ZKSCAN8: variants seen among roughly 807,000 people sequenced by gnomAD.
The protein encoded by ZKSCAN8 is zinc finger with KRAB and SCAN domains 8.
In ZKSCAN8, 27 loss-of-function variants were observed where a neutral mutation model predicts 57.2. The observed-to-expected ratio is 0.47, with a 90% CI of 0.35 to 0.65. The LOEUF is 0.65. ZKSCAN8 is among the 30% of genes least tolerant of loss of function. The pLI, the probability that ZKSCAN8 is intolerant of heterozygous loss-of-function variation, is 0.01. For missense variants in ZKSCAN8, 597 were observed against 696.3 expected (o/e 0.86, Z 1.60); for synonymous variants, 214 against 248.7 (o/e 0.86, Z 1.31).
intron 2 of ZKSCAN8, 125 bp downstream of exon 2, chr6:28,148,949 GT>G: frequency 8.8e-7 from 1 of 1,136,704 alleles, no homozygotes; most frequent in Non-Finnish European, 1.2e-6. Flanking sequence ...GATGACAATA[GT>G]TTTAGTGTAG....
chr6:28,150,531 A>T (rs898227074), intron 3 of ZKSCAN8, among the ~76,000 whole-genome samples: 2 of 152,176 alleles, frequency 1.3e-5, no homozygotes, highest in Admixed American at 6.5e-5. Context: ...ACTAATAAGT[A>T]ATTTGTGGAA....
In ZKSCAN8 at chr6:28,149,514, T is replaced by G. The variant is rs1233117356; in HGVS notation, c.449T>G (p.Leu150Arg). ...GCTCGCGTACATGGACATAGGGTAC[T>G]CTGGGAGGAGGTAGTACATTCAGCA... ...VSARVHGHRV[L>R]WEEVVHSASA... Residue 150 changes from leucine (L) to arginine (R), a missense_variant, in exon 3 of 6, where the codon CTC (leucine) becomes CGC (arginine). By Grantham distance (102) the Leu-to-Arg change is moderately radical. Coordinates refer to ENST00000330236, the MANE Select transcript of ZKSCAN8 (RefSeq NM_006298.4). The G allele has an allele frequency of 6.2e-7, 1 of 1,614,164 alleles. No homozygotes were observed. The highest frequency in any genetic ancestry group is 1.7e-5 in the Admixed American group (1 of 60,026).
intron 3 of ZKSCAN8, among the ~76,000 whole-genome samples, chr6:28,151,153 C>T (rs890534188): frequency 3.9e-5 from 6 of 152,096 alleles, no homozygotes; most frequent in Non-Finnish European, 7.4e-5. Flanking sequence ...ATAGAAGGCC[C>T]CTTCAGTCTG....
At chr6:28,148,847 G>C in intron 2 of ZKSCAN8, 23 bp downstream of exon 2, 1 of 1,592,308 alleles carries the variant, frequency 6.3e-7, no homozygotes, top group African/African-American at 1.3e-5. Flanking sequence ...AGGTATGCGT[G>C]CTATGACTGT....
In ZKSCAN8 at chr6:28,144,780, G is replaced by A. The variant is rs575535195; in HGVS notation, c.-93+2751G>A. On this transcript the variant is annotated intron_variant, in intron 1 of 5. Coordinates refer to ENST00000330236, the MANE Select transcript of ZKSCAN8 (RefSeq NM_006298.4). The surrounding 1 kb of genome is among the most constrained non-coding windows in gnomAD (Gnocchi z 4.5). ...GTTAAGAGTTGAATGATTTTAGGCCGGGCACAGTGGCTTACGCCTGTAATC... is the reference window on the plus strand; with the variant it reads ...GTTAAGAGTTGAATGATTTTAGGCCAGGCACAGTGGCTTACGCCTGTAATC... Among the ~76,000 whole-genome samples, 6 of 152,312 alleles carry A rather than the reference G, an allele frequency of 3.9e-5. No individual in the cohort carries two copies. The highest frequency in any genetic ancestry group is 1.2e-4 in the African/African-American group (5 of 41,582).
chr6:28,148,685 T>C lies in ZKSCAN8; in HGVS notation c.278T>C (p.Leu93Pro). Residue 93 changes from leucine to proline, a missense_variant, in exon 2 of 6, where the codon CTG becomes CCG. By Grantham distance (98) the Leu-to-Pro change is moderately conservative (BLOSUM62 -3). Coordinates refer to ENST00000330236, the MANE Select transcript of ZKSCAN8 (RefSeq NM_006298.4). ...DLNTKEQILE[L>P]LVLEQFLTIL... ...AACACCAAGGAACAGATCCTGGAGC[T>C]GCTGGTGCTGGAGCAGTTCTTGACC... is the stretch of plus-strand genomic sequence containing the variant. 6.2e-7 allele frequency: 1 copy of C among 1,614,150 alleles called. No individual in the cohort carries two copies. Among genetic ancestry groups the C allele is most frequent in the Non-Finnish European group, 8.5e-7 (1 of 1,180,042 alleles).
At position 28,153,312 on chromosome 6, in the gene ZKSCAN8, C is replaced by T; in HGVS notation, c.1032C>T (p.His344=). Residue 344 remains histidine (H), a synonymous_variant, in exon 6 of 6, where the codon CAC becomes CAT. Coordinates refer to ENST00000330236, the MANE Select transcript of ZKSCAN8 (RefSeq NM_006298.4). ...SSGLVRHWRI[H]TGEKPYQCNV... is the part of the protein sequence containing the mutation. Reference sequence around the variant, plus strand: ...GCCTTGTTCGCCACTGGAGAATCCACACTGGGGAGAAACCCTATCAGTGTA... The same window carrying T: ...GCCTTGTTCGCCACTGGAGAATCCATACTGGGGAGAAACCCTATCAGTGTA... The T allele has an allele frequency of 6.2e-7, 1 of 1,614,258 alleles. No homozygotes were observed. The highest frequency in any genetic ancestry group is 8.5e-7 in the Non-Finnish European group (1 of 1,180,044).
Position 28,144,989 on chromosome 6 carries a change from G to A in ZKSCAN8, c.-93+2960G>A, listed in dbSNP as rs1182410133. On this transcript the variant is annotated intron_variant, in intron 1 of 5. Transcript: ENST00000330236. The surrounding 1 kb of genome is among the most constrained non-coding windows in gnomAD (Gnocchi z 4.5). ...GGAGAATGGCGTGAACCCGGGAGGC[G>A]GAGGTTGCAGTGAGCCGAGTTCGCG... 6.6e-6 allele frequency among the ~76,000 whole-genome samples: 1 copy of A among 152,150 alleles called. No individual in the cohort carries two copies. The highest frequency in any genetic ancestry group is 2.4e-5 in the African/African-American group (1 of 41,438).
intron 1 of ZKSCAN8, among the ~76,000 whole-genome samples, chr6:28,143,802 AAG>A (rs1041900841): frequency 2.0e-5 from 3 of 152,228 alleles, no homozygotes; most frequent in African/African-American, 4.8e-5. Flanking sequence ...AAGAAAATTT[AAG>A]AGTTTGTTTT....
rs1166408357 is a variant in ZKSCAN8 at position 28,155,191 on chromosome 6, T to C, written c.*1174T>C. 2.0e-5 allele frequency: 3 copies of C among 152,214 alleles called. No individual in the cohort carries two copies. Among genetic ancestry groups the C allele is most frequent in the Non-Finnish European group, 2.9e-5 (2 of 68,022 alleles). The allele number at this position is 152,214 out of a possible 1,614,324, so 9.4% of individuals were successfully genotyped here. ...TAATCTAATACCTTACCTCACAGGT[T>C]TTCATTCTTTTGAACTCTGGTGCAC... On this transcript the variant is annotated 3_prime_UTR_variant, in exon 6 of 6. Coordinates refer to ENST00000330236, the MANE Select transcript of ZKSCAN8 (RefSeq NM_006298.4).
rs1581526999 is a variant in ZKSCAN8 at position 28,152,372 on chromosome 6, A to G, written c.763A>G (p.Met255Val). Residue 255 changes from methionine to valine, a missense_variant, in exon 5 of 6, where the codon ATG becomes GTG. Transcript: ENST00000330236. ...RDNRPENFRN[M>V]FSLGGETRSE... ...TAACAGGCCAGAAAATTTCAGAAAC[A>G]TGTTCTCCCTGGGTAAGGAGAGGTG... 2 of 1,607,378 alleles carry G rather than the reference A, an allele frequency of 1.2e-6. No individual in the cohort carries two copies. The highest frequency in any genetic ancestry group is 1.3e-5 in the African/African-American group (1 of 74,448).
At chr6:28,147,384 C>G (rs965418495) in intron 1 of ZKSCAN8, among the ~76,000 whole-genome samples, 3 of 152,064 alleles carry the variant, frequency 2.0e-5, no homozygotes, top group African/African-American at 7.2e-5. Context: ...AAAACAAAAA[C>G]AATATCAAGT....
In ZKSCAN8 at chr6:28,153,659, A is replaced by G; in HGVS notation, c.1379A>G (p.Lys460Arg). The change falls in exon 6 of 6, where the codon AAG becomes AGG. Residue 460 changes from lysine (K) to arginine (R), a missense_variant. Lys to Arg is a conservative substitution (Grantham distance 26). Transcript: ENST00000330236. ...CATCAGAGAATCCACACTGGGGAGAAGCCCTATGAGTGTGATGAGTGTGGG... is the reference window on the plus strand; with the variant it reads ...CATCAGAGAATCCACACTGGGGAGAGGCCCTATGAGTGTGATGAGTGTGGG... ...IGHQRIHTGE[K>R]PYECDECGKT... 6.2e-7 allele frequency: 1 copy of G among 1,613,882 alleles called. No individual in the cohort carries two copies.
At chr6:28,145,517 G>A (rs1765364146) in intron 1 of ZKSCAN8, among the ~76,000 whole-genome samples, 1 of 151,966 alleles carries the variant, frequency 6.6e-6, no homozygotes, top group African/African-American at 2.4e-5. Flanking sequence ...AAAAATCTCT[G>A]GCAGTACAGG....
chr6:28,154,024 C>T lies in ZKSCAN8; in HGVS notation c.*7C>T, dbSNP rs771813598. 5.7e-6 allele frequency: 9 copies of T among 1,578,116 alleles called. No individual in the cohort carries two copies. Among genetic ancestry groups the T allele is most frequent in the Non-Finnish European group, 6.9e-6 (8 of 1,165,002 alleles). On this transcript the variant is annotated 3_prime_UTR_variant, in exon 6 of 6. Coordinates refer to ENST00000330236, the MANE Select transcript of ZKSCAN8 (RefSeq NM_006298.4). ...TGAATCCATAAGCGTTTAGGAACAACATCAGTTAGAGTTTGAGCATTATTC... is the reference window on the plus strand; with the variant it reads ...TGAATCCATAAGCGTTTAGGAACAATATCAGTTAGAGTTTGAGCATTATTC...
intron 1 of ZKSCAN8, among the ~76,000 whole-genome samples, chr6:28,142,884 C>T (rs1048214353): frequency 6.6e-6 from 1 of 152,188 alleles, no homozygotes; most frequent in Non-Finnish European, 1.5e-5. Flanking sequence ...ATTGGCTTCA[C>T]CTACTTTTTC....
In ZKSCAN8 at chr6:28,144,887, C is replaced by T. The variant is rs1765338490; in HGVS notation, c.-93+2858C>T. The stretch of plus-strand genomic sequence containing the variant: ...CCTGGCTAACACAGTGAAACCCCAT[C>T]TCTACTAAAAATACAAAAAATTAGC... On this transcript the variant is annotated intron_variant, in intron 1 of 5. Coordinates refer to ENST00000330236, the MANE Select transcript of ZKSCAN8 (RefSeq NM_006298.4). This position sits in a 1 kb window ranked among gnomAD's most constrained non-coding sequence, Gnocchi z 4.5. 6.6e-6 allele frequency among the ~76,000 whole-genome samples: 1 copy of T among 152,158 alleles called. No homozygotes were observed. The highest frequency in any genetic ancestry group is 1.5e-5 in the Non-Finnish European group (1 of 68,020).
chr6:28,157,377 C>A lies in ZKSCAN8; in HGVS notation c.*3360C>A, dbSNP rs1765818691. On this transcript the variant is annotated 3_prime_UTR_variant, in exon 6 of 6. Coordinates refer to ENST00000330236, the MANE Select transcript of ZKSCAN8 (RefSeq NM_006298.4). ...AGATTTGGATGGGACACAGCCAAAC[C>A]ATATCAATAGGTATTATTTTATCCC... 1.3e-5 allele frequency: 2 copies of A among 152,154 alleles called. No homozygotes were observed. The highest frequency in any genetic ancestry group is 2.9e-5 in the Non-Finnish European group (2 of 68,030). The allele number at this position is 152,154 out of a possible 1,614,324, so 9.4% of individuals were successfully genotyped here.
rs1765821132 is a variant in ZKSCAN8, at chr6:28,157,449, A to G, written c.*3432A>G. On this transcript the variant is annotated 3_prime_UTR_variant, in exon 6 of 6. Coordinates refer to ENST00000330236, the MANE Select transcript of ZKSCAN8 (RefSeq NM_006298.4). ...GGAGGCTTAGTTGAGTGAGCTGACC[A>G]ATATCACCCAGCCAGTATGTGATAA... The G allele has an allele frequency of 6.6e-6, 1 of 152,210 alleles. No homozygotes were observed. The allele number at this position is 152,210 out of a possible 1,614,324, so 9.4% of individuals were successfully genotyped here. A position where few individuals can be genotyped will look rare whatever the true frequency, so the allele number is the denominator to read the frequency against.
Sources: allele counts gnomAD v4.1 joint callset (sites outside exome capture counted in the v4.1 genomes callset), GRCh38; gene constraint gnomAD v4.1.1; non-coding constraint Gnocchi (gnomAD v3.1); transcripts MANE v1.5; gene names NCBI Gene and HGNC (gene_info 2026-07-23, HGNC 2026-07-21).